Variants in ATE1 observed in about 807,000 individuals in gnomAD.
ATE1 encodes arginyltransferase 1, also known as arginyl-tRNA--protein transferase 1.
In ATE1, 36 loss-of-function variants were observed where a neutral mutation model predicts 70.5. The ratio of observed to expected loss-of-function variants is 0.51; its 90% confidence interval spans 0.39 to 0.67. The LOEUF (loss-of-function observed/expected upper bound fraction) is 0.67. ATE1 is among the 30% of genes least tolerant of loss of function. ATE1 has a pLI of 0.00. For synonymous variants in ATE1, 232 were observed against 219.3 expected, an observed-to-expected ratio of 1.06 and a Z score of -0.51; for missense variants, 593 against 629.5, an observed-to-expected ratio of 0.94 and a Z score of 0.62.
intron 7 of ATE1, among the ~76,000 whole-genome samples, chr10:121,885,091 T>C (rs1950340366): frequency 6.6e-6 from 1 of 151,392 alleles, no homozygotes; most frequent in Non-Finnish European, 1.5e-5. Context: ...TGAAATCCTG[T>C]CTCTACTAAA....
chr10:121,884,709 G>T (rs1950328394), intron 7 of ATE1, among the ~76,000 whole-genome samples: 1 of 152,138 alleles, frequency 6.6e-6, no homozygotes, highest in African/African-American at 2.4e-5. Context: ...TCCCCAAAAA[G>T]GAACATGCTT....
At chr10:121,758,461 T>C (rs565634945) in intron 11 of ATE1, among the ~76,000 whole-genome samples, 153 of 152,350 alleles carry the variant, frequency 1.0e-3, no homozygotes, top group Non-Finnish European at 1.7e-3. Context: ...GCAATACCTC[T>C]GAAAATTTCC....
At chr10:121,810,595 A>C (rs1303713294) in intron 10 of ATE1, among the ~76,000 whole-genome samples, 3 of 152,088 alleles carry the variant, frequency 2.0e-5, no homozygotes, top group Non-Finnish European at 4.4e-5. Flanking sequence ...TTAAGAGTAA[A>C]GTTCTTCTGG....
upstream of ATE1, chr10:121,928,088 G>C: frequency 8.3e-7 from 1 of 1,209,348 alleles, no homozygotes; most frequent in Non-Finnish European, 1.0e-6. Context: ...AGGCCCGGCC[G>C]GCCCGGCGCC....
At chr10:121,910,232 TC>T (rs1194650368) in intron 5 of ATE1, among the ~76,000 whole-genome samples, 3 of 152,130 alleles carry the variant, frequency 2.0e-5, no homozygotes, top group Non-Finnish European at 4.4e-5. Flanking sequence ...TAAAAATCTT[TC>T]CCTTGGATCA....
At chr10:121,752,026 T>C (rs1336673380) in intron 11 of ATE1, among the ~76,000 whole-genome samples, 2 of 151,220 alleles carry the variant, frequency 1.3e-5, no homozygotes, top group East Asian at 2.0e-4. Context: ...ACCCCGTCTC[T>C]ACTAAAAAAA....
chr10:121,919,705 G>A lies in ATE1; in HGVS notation c.233+2644C>T, dbSNP rs543874436. Among the ~76,000 whole-genome samples, 63 of 151,542 alleles carry A rather than the reference G, an allele frequency of 4.2e-4. 1 individual carries two copies. Among genetic ancestry groups the A allele is most frequent in the South Asian group, 6.3e-4 (3 of 4,800 alleles). ...GGTAGATCACGAGTTCGAGAGTAGC[G>A]CGGCCAACATGGTGAAACCCCGTCT... On this transcript the variant is annotated intron_variant, in intron 3 of 11. Coordinates refer to ENST00000224652, the MANE Select transcript of ATE1 (RefSeq NM_001001976.3).
chr10:121,762,638 T>C (rs776004000), intron 11 of ATE1, among the ~76,000 whole-genome samples: 2 of 152,110 alleles, frequency 1.3e-5, no homozygotes, highest in Non-Finnish European at 2.9e-5. Flanking sequence ...GTGAGCTTGG[T>C]GAGTGTGCGT....
intron 7 of ATE1, among the ~76,000 whole-genome samples, chr10:121,899,174 A>G (rs1406113225): frequency 1.3e-5 from 2 of 150,798 alleles, no homozygotes; most frequent in African/African-American, 2.4e-5. Context: ...TCAACCTCAT[A>G]AGAGCCAACA....
chr10:121,868,720 G>A (rs1402444409), intron 8 of ATE1, among the ~76,000 whole-genome samples: 1 of 152,006 alleles, frequency 6.6e-6, no homozygotes, highest in African/African-American at 2.4e-5. Flanking sequence ...TCAAAGCCTA[G>A]ACTCTTTCCA....
At chr10:121,903,381 C>T (rs113388004) in intron 5 of ATE1, among the ~76,000 whole-genome samples, 15 of 152,158 alleles carry the variant, frequency 9.9e-5, no homozygotes, top group East Asian at 3.9e-4. Context: ...CTGATCCCAG[C>T]GCAAACACTG....
Position 121,767,808 on chromosome 10 carries a change from G to C in ATE1, c.1378+22361C>G, listed in dbSNP as rs189606610. On this transcript the variant is annotated intron_variant, in intron 11 of 11. Coordinates refer to ENST00000224652, the MANE Select transcript of ATE1 (RefSeq NM_001001976.3). ...ACTGGTGGGAATGTAAAATGGGGCA[G>C]TTGCTATGTTCTTTGGGAAATCAAA... 4.6e-5 allele frequency among the ~76,000 whole-genome samples: 7 copies of C among 152,254 alleles called. No homozygotes were observed. The East Asian group carries it at 1.4e-3, about 29-fold the overall frequency.
intron 8 of ATE1, among the ~76,000 whole-genome samples, chr10:121,864,896 T>C (rs986624049): frequency 1.3e-5 from 2 of 152,252 alleles, no homozygotes; most frequent in Non-Finnish European, 2.9e-5. Flanking sequence ...ATGCTAAGCT[T>C]CCCATAATGT....
At chr10:121,876,219 G>GT (rs1950043820) in intron 7 of ATE1, among the ~76,000 whole-genome samples, 1 of 152,102 alleles carries the variant, frequency 6.6e-6, no homozygotes, top group African/African-American at 2.4e-5. Context: ...AAAAATTCTA[G>GT]TATCTGCCCA....
chr10:121,771,584 AGTTTT>A (rs1396446676), intron 11 of ATE1, among the ~76,000 whole-genome samples: 6 of 152,232 alleles, frequency 3.9e-5, no homozygotes, highest in Non-Finnish European at 1.5e-5. Context: ...AACACACTTT[AGTTTT>A]ATTTTTAATC....
At chr10:121,916,785 A>G (rs987864966) in intron 3 of ATE1, among the ~76,000 whole-genome samples, 1 of 151,482 alleles carries the variant, frequency 6.6e-6, no homozygotes, top group African/African-American at 2.4e-5. Flanking sequence ...CAGTGAGCCA[A>G]GATCGCGCCA....
intron 11 of ATE1, among the ~76,000 whole-genome samples, chr10:121,775,109 A>G (rs776796912): frequency 6.6e-5 from 10 of 152,218 alleles, no homozygotes; most frequent in Non-Finnish European, 1.3e-4. Flanking sequence ...AGTTTGCTAA[A>G]ACAGATAAAC....
chr10:121,847,404 C>T lies in ATE1; in HGVS notation c.976-6141G>A, dbSNP rs532124372. Among the ~76,000 whole-genome samples, 16 of 151,908 alleles carry T rather than the reference C, an allele frequency of 1.1e-4. No homozygotes were observed. The East Asian group carries it at 1.6e-3, about 15-fold the overall frequency. Reference sequence around the variant, plus strand: ...CGGAGGTTGCAGTGAGCTGAGATCGCGCCACTGCACTCCAGCCTGGGTAAC... The same window carrying T: ...CGGAGGTTGCAGTGAGCTGAGATCGTGCCACTGCACTCCAGCCTGGGTAAC... On this transcript the variant is annotated intron_variant, in intron 8 of 11. Coordinates refer to ENST00000224652, the MANE Select transcript of ATE1 (RefSeq NM_001001976.3).
At chr10:121,900,519 T>C (rs1166112543) in intron 6 of ATE1, among the ~76,000 whole-genome samples, 6 of 152,220 alleles carry the variant, frequency 3.9e-5, no homozygotes, top group East Asian at 1.9e-4. Flanking sequence ...GTTCAAATCT[T>C]ACAATGTCAC....
Sources: allele counts gnomAD v4.1 joint callset (sites outside exome capture counted in the v4.1 genomes callset), GRCh38; gene constraint gnomAD v4.1.1; transcripts MANE v1.5; gene names NCBI Gene and HGNC (gene_info 2026-07-23, HGNC 2026-07-21).